ENPP6: variants seen among roughly 807,000 people sequenced by gnomAD.
The protein encoded by ENPP6 is glycerophosphocholine cholinephosphodiesterase ENPP6.
ENPP6 carries 32 observed loss-of-function variants against 42.0 expected under a neutral mutation model. That is an observed-to-expected ratio of 0.76 (90% CI 0.58 to 1.02). The LOEUF is 1.02. ENPP6 is among the 50% of genes least tolerant of loss of function. The probability of loss-of-function intolerance (pLI) is 0.00; values close to 1 mark genes in which losing one functional copy is unlikely to be tolerated. For missense variants in ENPP6, 552 were observed against 566.8 expected (o/e 0.97, Z 0.27); for synonymous variants, 213 against 216.0 (o/e 0.99, Z 0.12).
At chr4:184,186,864 T>C (rs950740521) in intron 1 of ENPP6, among the ~76,000 whole-genome samples, 3 of 152,124 alleles carry the variant, frequency 2.0e-5, no homozygotes, top group Non-Finnish European at 4.4e-5. Context: ...GTGATCTTTC[T>C]AAAATGAAAG....
intron 1 of ENPP6, among the ~76,000 whole-genome samples, chr4:184,194,729 A>G (rs889299405): frequency 3.3e-5 from 5 of 152,136 alleles, no homozygotes; most frequent in African/African-American, 1.2e-4. Context: ...GGCAGAACCC[A>G]CACGGGAGGA....
intron 1 of ENPP6, among the ~76,000 whole-genome samples, chr4:184,165,436 G>A (rs1560998474): frequency 6.6e-6 from 1 of 152,174 alleles, no homozygotes; most frequent in Non-Finnish European, 1.5e-5. Context: ...CCCCGCACCA[G>A]CACCTGCTCC....
At chr4:184,112,489 A>G in intron 6 of ENPP6, 183 bp downstream of exon 6, 2 of 720,536 alleles carry the variant, frequency 2.8e-6, no homozygotes, top group Non-Finnish European at 4.3e-6. Context: ...GTTCGCGTCT[A>G]CAGTTGTGTC....
rs758856264 is a variant in ENPP6 at position 184,089,507 on chromosome 4, G to C, written c.*1670C>G. 5.9e-5 allele frequency: 9 copies of C among 152,216 alleles called. No homozygotes were observed. The highest frequency in any genetic ancestry group is 2.2e-4 in the African/African-American group (9 of 41,226). 9.4% of individuals were successfully genotyped at this position (152,216 alleles called of 1,614,324 possible). A position where few individuals can be genotyped will look rare whatever the true frequency, so the allele number is the denominator to read the frequency against. On this transcript the variant is annotated 3_prime_UTR_variant, in exon 8 of 8. Transcript: ENST00000296741. Reference sequence around the variant, plus strand: ...TGGGGGGGGTGGAGGATGGGGTCTTGCTCTGTTGCCCAGGCTGGAGTGCAG... The same window carrying C: ...TGGGGGGGGTGGAGGATGGGGTCTTCCTCTGTTGCCCAGGCTGGAGTGCAG...
At chr4:184,206,413 A>G (rs1461766603) in intron 1 of ENPP6, among the ~76,000 whole-genome samples, 1 of 106,134 alleles carries the variant, frequency 9.4e-6, no homozygotes, top group African/African-American at 3.9e-5. Context: ...GGGCGCCACC[A>G]GGCCCGGCTA....
chr4:184,091,145 G>A lies in ENPP6; in HGVS notation c.*32C>T, dbSNP rs1288687062. The A allele has an allele frequency of 2.7e-6, 4 of 1,497,724 alleles. No individual in the cohort carries two copies. Among genetic ancestry groups the A allele is most frequent in the Non-Finnish European group, 3.6e-6 (4 of 1,124,230 alleles). 92.8% of individuals were successfully genotyped at this position (1,497,724 alleles called of 1,614,324 possible). A position where few individuals can be genotyped will look rare whatever the true frequency, so the allele number is the denominator to read the frequency against. ...GCTTTGGAGGCCCACTTTGCTGATG[G>A]TGTTTTTTTCTGAGACAAGCAATAT... On this transcript the variant is annotated 3_prime_UTR_variant, in exon 8 of 8. Coordinates refer to ENST00000296741, the MANE Select transcript of ENPP6 (RefSeq NM_153343.4).
At chr4:184,102,973 G>A (rs1328799691) in intron 6 of ENPP6, among the ~76,000 whole-genome samples, 3 of 152,264 alleles carry the variant, frequency 2.0e-5, no homozygotes, top group South Asian at 2.1e-4. Flanking sequence ...TGGGCCATGT[G>A]AAAGGATGAT....
intron 2 of ENPP6, among the ~76,000 whole-genome samples, chr4:184,129,988 T>C (rs1299001539): frequency 2.0e-5 from 3 of 152,216 alleles, no homozygotes; most frequent in African/African-American, 4.8e-5. Flanking sequence ...TTTTGTCGAA[T>C]ATAAAGAGGA....
intron 1 of ENPP6, among the ~76,000 whole-genome samples, chr4:184,194,847 G>A (rs183856035): frequency 2.0e-5 from 3 of 152,270 alleles, no homozygotes; most frequent in Admixed American, 1.3e-4. Context: ...GCACATGGGC[G>A]TTTGGTGGGA....
At chr4:184,185,210 G>A (rs1197509383) in intron 1 of ENPP6, among the ~76,000 whole-genome samples, 2 of 152,174 alleles carry the variant, frequency 1.3e-5, no homozygotes, top group African/African-American at 4.8e-5. Context: ...CATGGGTGGA[G>A]TTTGCCCAGG....
At chr4:184,172,246 G>A (rs1048990493) in intron 1 of ENPP6, among the ~76,000 whole-genome samples, 4 of 152,100 alleles carry the variant, frequency 2.6e-5, no homozygotes, top group Non-Finnish European at 4.4e-5. Flanking sequence ...AAATGCAGGC[G>A]GGTCTTCCTT....
At chr4:184,128,028 C>T (rs919298346) in intron 2 of ENPP6, among the ~76,000 whole-genome samples, 1 of 151,884 alleles carries the variant, frequency 6.6e-6, no homozygotes, top group Non-Finnish European at 1.5e-5. Flanking sequence ...AACAGCATAG[C>T]TTTTGAGTCA....
intron 2 of ENPP6, among the ~76,000 whole-genome samples, chr4:184,153,284 C>G (rs1015761792): frequency 6.6e-6 from 1 of 152,002 alleles, no homozygotes; most frequent in Non-Finnish European, 1.5e-5. Context: ...CACCACCACC[C>G]CAGCTAATTT....
chr4:184,130,425 G>A lies in ENPP6; in HGVS notation c.422-6153C>T, dbSNP rs898598733. Reference sequence around the variant, plus strand: ...CACAAAAAATTAGCCGGGCGTGGTGGTGGGCACCTGTAGTCCCAGCTACTC... The same window carrying A: ...CACAAAAAATTAGCCGGGCGTGGTGATGGGCACCTGTAGTCCCAGCTACTC... On this transcript the variant is annotated intron_variant, in intron 2 of 7. Transcript: ENST00000296741. Among the ~76,000 whole-genome samples, 8 of 118,276 alleles carry A rather than the reference G, an allele frequency of 6.8e-5. 1 individual carries two copies. The highest frequency in any genetic ancestry group is 1.9e-4 in the African/African-American group (6 of 31,638). 77.6% of individuals were successfully genotyped at this position (118,276 alleles called of 152,430 possible). A position where few individuals can be genotyped will look rare whatever the true frequency, so the allele number is the denominator to read the frequency against.
intron 1 of ENPP6, among the ~76,000 whole-genome samples, chr4:184,158,822 T>TC (rs1737216065): frequency 1.3e-5 from 2 of 152,340 alleles, no homozygotes; most frequent in South Asian, 4.1e-4. Context: ...ATCCTTTTTT[T>TC]CACAACTTTT....
intron 2 of ENPP6, among the ~76,000 whole-genome samples, chr4:184,143,826 C>G (rs1045833113): frequency 6.6e-6 from 1 of 152,240 alleles, no homozygotes; most frequent in African/African-American, 2.4e-5. Flanking sequence ...TTTAAAAAAA[C>G]ATCTTCTGCC....
chr4:184,154,437 A>T (rs943558397), intron 1 of ENPP6, among the ~76,000 whole-genome samples: 1 of 152,194 alleles, frequency 6.6e-6, no homozygotes, highest in Admixed American at 6.5e-5. Flanking sequence ...ACATCTTTAA[A>T]GTAAAAATAA....
rs1732599717 is a variant in ENPP6, at chr4:184,184,443, A to G, written c.242-30710T>C. The stretch of plus-strand genomic sequence containing the variant: ...TAGCAGAACCAATGCAGCTGAAAAA[A>G]TAATGAACTGGAAGATGTAATTGAA... On this transcript the variant is annotated intron_variant, in intron 1 of 7. Transcript: ENST00000296741. The surrounding 1 kb of genome is among the most constrained non-coding windows in gnomAD (Gnocchi z 4.7). Among the ~76,000 whole-genome samples the G allele has an allele frequency of 6.6e-6, 1 of 152,234 alleles. No homozygotes were observed. Among genetic ancestry groups the G allele is most frequent in the African/African-American group, 2.4e-5 (1 of 41,462 alleles).
chr4:184,101,892 C>T (rs1736009922), intron 6 of ENPP6, among the ~76,000 whole-genome samples: 1 of 152,154 alleles, frequency 6.6e-6, no homozygotes, highest in African/African-American at 2.4e-5. Context: ...AACAAGTCGC[C>T]CCACACCAGG....
Sources: gnomAD v4.1 joint callset for allele counts (sites outside exome capture counted in the v4.1 genomes callset) on GRCh38, gnomAD v4.1.1 for gene constraint, Gnocchi (gnomAD v3.1) non-coding constraint, MANE v1.5 for transcripts, NCBI Gene and HGNC (gene_info 2026-07-23, HGNC 2026-07-21) for gene names.